Variants in GPAM observed in about 807,000 individuals in gnomAD.
GPAM encodes glycerol-3-phosphate acyltransferase, mitochondrial, also known as glycerol-3-phosphate acyltransferase 1, mitochondrial.
A neutral mutation model predicts 105.0 loss-of-function variants in GPAM; 56 were observed. The ratio of observed to expected loss-of-function variants is 0.53; its 90% CI spans 0.43 to 0.67. The LOEUF (loss-of-function observed/expected upper bound fraction) is 0.67. GPAM is among the 30% of genes least tolerant of loss of function. The pLI is 0.00. For synonymous variants in GPAM, 368 were observed against 354.4 expected, an observed-to-expected ratio of 1.04 and a Z score of -0.43; for missense variants, 855 against 989.8, an observed-to-expected ratio of 0.86 and a Z score of 1.83.
At chr10:112,214,394 C>G (rs1281364844) in intron 1 of GPAM, 1 of 152,240 alleles carries the variant, frequency 6.6e-6, no homozygotes, top group Non-Finnish European at 1.5e-5. Context: ...ATCTTCCCCT[C>G]TGCTGCCATC....
intron 1 of GPAM, chr10:112,214,390 C>T (rs533487029): frequency 2.6e-5 from 4 of 152,144 alleles, no homozygotes; most frequent in Non-Finnish European, 5.9e-5. Context: ...TCGTATCTTC[C>T]CCTCTGCTGC....
intron 1 of GPAM, among the ~76,000 whole-genome samples, chr10:112,211,110 G>A (rs1452858749): frequency 6.6e-6 from 1 of 152,174 alleles, no homozygotes; most frequent in Non-Finnish European, 1.5e-5. Flanking sequence ...TTTTCCCATA[G>A]GAGTGACCCC....
chr10:112,179,728 G>A (rs1175651205), intron 4 of GPAM, among the ~76,000 whole-genome samples: 17 of 152,002 alleles, frequency 1.1e-4, no homozygotes, highest in South Asian at 1.0e-3. Flanking sequence ...GCACTTAAAC[G>A]GCAGAATTTC....
chr10:112,154,024 G>A (rs1846970932), intron 21 of GPAM: 1 of 231,786 alleles, frequency 4.3e-6, no homozygotes, highest in South Asian at 6.4e-5. Context: ...CATTCCCCAT[G>A]AATCATGAAG....
rs377443118 is a variant in GPAM, at chr10:112,156,092, G to C, written c.2122-39C>G. 77 of 1,455,778 alleles carry C rather than the reference G, an allele frequency of 5.3e-5. No homozygotes were observed. The African/African-American group carries it at 1.0e-3, about 19-fold the overall frequency. 90.2% of individuals were successfully genotyped at this position (1,455,778 alleles called of 1,614,324 possible). A position where few individuals can be genotyped will look rare whatever the true frequency, so the allele number is the denominator to read the frequency against. On this transcript the variant is annotated intron_variant, in intron 19 of 21. Transcript: ENST00000348367. ...AGCAGGAGATGAAGTCATGAGGAAG[G>C]GACAAGAGACACAAGGCAAGTGGAC...
At chr10:112,158,175 C>G (rs1239340120) in intron 18 of GPAM, 141 bp downstream of exon 18, 1 of 732,126 alleles carries the variant, frequency 1.4e-6, no homozygotes, top group African/African-American at 1.7e-5. Flanking sequence ...AGGTGATCCA[C>G]CCGCCTTCAC....
rs1846981420 is a variant in GPAM, at chr10:112,154,616, G to T, written c.2370+13C>A. On this transcript the variant is annotated intron_variant, in intron 21 of 21. Transcript: ENST00000348367. ...TTGAGATAGCTTTTATACCATAAAT[G>T]GTGGACACCTACCCCAATATCCTTA... is the stretch of plus-strand genomic sequence containing the variant. 1 of 1,555,706 alleles carries T rather than the reference G, an allele frequency of 6.4e-7. No homozygotes were observed. Among genetic ancestry groups the T allele is most frequent in the East Asian group, 2.2e-5 (1 of 44,580 alleles).
chr10:112,191,007 C>T (rs369449831), intron 1 of GPAM, among the ~76,000 whole-genome samples: 12 of 152,254 alleles, frequency 7.9e-5, no homozygotes, highest in African/African-American at 2.4e-4. Context: ...CCAAACATCA[C>T]GGCTTATAAT....
At chr10:112,208,265 C>T (rs1364980712) in intron 1 of GPAM, among the ~76,000 whole-genome samples, 1 of 152,192 alleles carries the variant, frequency 6.6e-6, no homozygotes, top group Non-Finnish European at 1.5e-5. Flanking sequence ...AAGCTGGTGA[C>T]CTGAATTAAC....
intron 9 of GPAM, among the ~76,000 whole-genome samples, chr10:112,170,870 T>C (rs759992430): frequency 4.6e-5 from 7 of 152,216 alleles, no homozygotes; most frequent in Non-Finnish European, 8.8e-5. Context: ...CATGAATCCA[T>C]GGCTTCTCTT....
At position 112,160,709 on chromosome 10, in the gene GPAM, T is replaced by C; in HGVS notation, c.1654A>G (p.Asn552Asp). 3 of 1,614,004 alleles carry C rather than the reference T, an allele frequency of 1.9e-6. No homozygotes were observed. The South Asian group carries it at 3.3e-5, about 18-fold the overall frequency. Reference sequence around the variant, plus strand: ...CTGGGGGTGATAAAAAACTCATCGTTCCTGCTAGTGTGGGTGATTGTGACA... The same window carrying C: ...CTGGGGGTGATAAAAAACTCATCGTCCCTGCTAGTGTGGGTGATTGTGACA... Reference protein sequence around the residue: ...NCVTITHTSRNDEFFITPSTT... With the variant: ...NCVTITHTSRDDEFFITPSTT... Residue 552 changes from asparagine (N) to aspartate (D), a missense_variant, in exon 16 of 22, where the codon AAC becomes GAC. Coordinates refer to ENST00000348367, the MANE Select transcript of GPAM (RefSeq NM_001244949.2).
At position 112,178,032 on chromosome 10, in the gene GPAM, G is replaced by A. The variant is rs1360350889; in HGVS notation, c.251C>T (p.Pro84Leu). 8.8e-6 allele frequency: 14 copies of A among 1,596,814 alleles called. No individual in the cohort carries two copies. Among genetic ancestry groups the A allele is most frequent in the East Asian group, 2.2e-5 (1 of 44,700 alleles). The stretch of plus-strand genomic sequence containing the variant: ...AATAACATTCCGCAAACCCAAAGAC[G>A]GGATACTGGGGTTGAAAAATTTGTC... The part of the protein sequence containing the change: ...SWDKFFNPSI[P>L]SLGLRNVIYI... Residue 84 changes from proline to leucine, a missense_variant, in exon 5 of 22, where the codon CCG becomes CTG. By Grantham distance (98) the Pro-to-Leu change is moderately conservative (BLOSUM62 -3). Transcript: ENST00000348367.
chr10:112,156,514 C>T, intron 19 of GPAM: 1 of 213,658 alleles, frequency 4.7e-6, no homozygotes, highest in Non-Finnish European at 9.5e-6. Context: ...CCTTTGCCCA[C>T]AGTCCAGCAC....
chr10:112,187,112 A>G (rs959770934), upstream of GPAM, among the ~76,000 whole-genome samples: 6 of 152,226 alleles, frequency 3.9e-5, no homozygotes, highest in Admixed American at 3.9e-4. Flanking sequence ...TAACACATCA[A>G]CAAAGAAGCT....
At chr10:112,202,239 A>T (rs1055509735) in intron 1 of GPAM, among the ~76,000 whole-genome samples, 2 of 152,270 alleles carry the variant, frequency 1.3e-5, no homozygotes, top group African/African-American at 4.8e-5. Context: ...TAGACAGTAT[A>T]TAAGAAAATC....
chr10:112,197,442 CT>C (rs1298170824), intron 1 of GPAM, among the ~76,000 whole-genome samples: 5,458 of 119,264 alleles, frequency 0.046, 142 homozygotes, highest in East Asian at 0.12. Flanking sequence ...GTAAGGCATT[CT>C]TTTTTTTTTT....
chr10:112,192,514 G>T (rs1222148645), intron 1 of GPAM, among the ~76,000 whole-genome samples: 2 of 152,192 alleles, frequency 1.3e-5, no homozygotes, highest in African/African-American at 4.8e-5. Context: ...TGAGGCCAGG[G>T]TGTGAGCAGG....
intron 1 of GPAM, among the ~76,000 whole-genome samples, chr10:112,210,251 A>G (rs1028146388): frequency 3.3e-5 from 5 of 152,160 alleles, no homozygotes; most frequent in Admixed American, 6.5e-5. Context: ...CTTCCTATTC[A>G]ACCTCTCTTT....
intron 1 of GPAM, among the ~76,000 whole-genome samples, chr10:112,209,408 G>A (rs368147738): frequency 1.3e-5 from 2 of 151,932 alleles, no homozygotes; most frequent in East Asian, 1.9e-4. Context: ...CTTACCCAGC[G>A]GGCTCAGCCT....
Sources: allele counts gnomAD v4.1 joint callset (sites outside exome capture counted in the v4.1 genomes callset), GRCh38; gene constraint gnomAD v4.1.1; transcripts MANE v1.5; gene names NCBI Gene and HGNC (gene_info 2026-07-23, HGNC 2026-07-21).